CTNNA3: variants seen among roughly 807,000 people sequenced by gnomAD.
The protein encoded by CTNNA3 is catenin alpha-3.
CTNNA3 carries 76 observed loss-of-function variants against 95.7 expected under a neutral mutation model. That is an observed-to-expected ratio of 0.79 (90% CI 0.66 to 0.96). CTNNA3 has a LOEUF of 0.96. Ranked by LOEUF, CTNNA3 falls within the 40% of genes least tolerant of loss-of-function variation. The pLI is 0.00. For synonymous variants in CTNNA3, 431 were observed against 374.4 expected (o/e 1.15, Z -1.74); for missense variants, 1,191 against 1,089.8 (o/e 1.09, Z -1.31).
intron 10 of CTNNA3, among the ~76,000 whole-genome samples, chr10:66,581,289 A>G (rs558377907): frequency 5.3e-5 from 8 of 151,928 alleles, no homozygotes; most frequent in African/African-American, 1.9e-4. Context: ...ATCAAATGGT[A>G]GATCTACTTT....
chr10:66,699,996 T>G (rs191049465), intron 9 of CTNNA3, among the ~76,000 whole-genome samples: 51 of 152,218 alleles, frequency 3.4e-4, no homozygotes, highest in Admixed American at 8.5e-4. Context: ...ACTTGGTTTT[T>G]TTTTGTTTTG....
rs533829867 is a variant in CTNNA3 at position 67,559,414 on chromosome 10, C to T, written c.293-19745G>A. Among the ~76,000 whole-genome samples, 504 of 152,296 alleles carry T rather than the reference C, an allele frequency of 3.3e-3. 3 individuals carry two copies. Among genetic ancestry groups the T allele is most frequent in the Non-Finnish European group, 4.7e-3 (323 of 68,020 alleles). ...TGGACCTCTAGAAAACTCCAACAGACCTGCAGCTGAGGGTCCTGTCTGTTA... is the reference window on the plus strand; with the variant it reads ...TGGACCTCTAGAAAACTCCAACAGATCTGCAGCTGAGGGTCCTGTCTGTTA... On this transcript the variant is annotated intron_variant, in intron 3 of 17. Transcript: ENST00000433211.
intron 5 of CTNNA3, among the ~76,000 whole-genome samples, chr10:67,381,195 A>G (rs996091266): frequency 1.8e-4 from 28 of 152,226 alleles, no homozygotes; most frequent in African/African-American, 6.5e-4. Flanking sequence ...TGAAAAGTCA[A>G]GGGGAAACAT....
At chr10:66,123,149 G>T (rs2082658281) in intron 13 of CTNNA3, among the ~76,000 whole-genome samples, 2 of 152,142 alleles carry the variant, frequency 1.3e-5, no homozygotes, top group African/African-American at 4.8e-5. Flanking sequence ...TTCTGCTTAT[G>T]ATCCTGTAAA....
chr10:67,066,688 C>T (rs1399104392), intron 7 of CTNNA3, among the ~76,000 whole-genome samples: 4 of 152,100 alleles, frequency 2.6e-5, no homozygotes, highest in Non-Finnish European at 5.9e-5. Context: ...AATTGTTAAA[C>T]AAATATTATC....
intron 7 of CTNNA3, among the ~76,000 whole-genome samples, chr10:66,873,129 C>T (rs569556099): frequency 1.3e-5 from 2 of 152,250 alleles, no homozygotes; most frequent in South Asian, 2.1e-4. Flanking sequence ...CATGTTTTTG[C>T]TATTGTGAAT....
At chr10:66,474,613 G>A (rs537834273) in intron 11 of CTNNA3, among the ~76,000 whole-genome samples, 12 of 152,036 alleles carry the variant, frequency 7.9e-5, no homozygotes, top group Non-Finnish European at 1.5e-4. Flanking sequence ...TTTTTTGAGA[G>A]ACTTACATTC....
Position 66,642,257 on chromosome 10 carries a change from CACACACACACACACACACACAA to C in CTNNA3, c.1282-20495_1282-20474del, listed in dbSNP as rs1428975926. On this transcript the variant is annotated intron_variant, in intron 9 of 17. Transcript: ENST00000433211. ...AAAATGTTGATATTTCTTTAAAATA[CACACACACACACACACACACAA>C]ACACACACACACACACACACACACA... 7.3e-3 allele frequency among the ~76,000 whole-genome samples: 479 copies of C among 65,744 alleles called. 2 individuals carry two copies. The East Asian group carries it at 0.099, about 14-fold the overall frequency. The allele number at this position is 65,744 out of a possible 152,430, so 43.1% of individuals were successfully genotyped here.
chr10:67,559,917 C>A (rs561520746), intron 3 of CTNNA3, among the ~76,000 whole-genome samples: 2 of 151,728 alleles, frequency 1.3e-5, no homozygotes, highest in African/African-American at 4.8e-5. Flanking sequence ...TGAAATGAAG[C>A]GAGAAGGGAA....
At position 67,743,648 on chromosome 10, in the gene CTNNA3, C is replaced by A. The variant is rs914014722; in HGVS notation, c.-2+19786G>T. On this transcript the variant is annotated intron_variant, in intron 1 of 17. Coordinates refer to the CTNNA3 transcript ENST00000684154. ...TTCAACATAGTGTTGAAAGTTCAGG[C>A]CAGGGCAATCAGGCAGGAGAAAGAA... Among the ~76,000 whole-genome samples, 7 of 151,182 alleles carry A rather than the reference C, an allele frequency of 4.6e-5. 1 individual carries two copies. The highest frequency in any genetic ancestry group is 4.0e-4 in the Admixed American group (6 of 15,106).
In CTNNA3 at chr10:66,605,578, A is replaced by T. The variant is rs2132270237; in HGVS notation, c.1374+16114T>A. ...AGAGAGAAAGGCCAGGTAACCTACA[A>T]AGGGAAGCCCATCAGACTAACAGTG... On this transcript the variant is annotated intron_variant, in intron 10 of 17. Coordinates refer to ENST00000433211, the MANE Select transcript of CTNNA3 (RefSeq NM_013266.4). Among the ~76,000 whole-genome samples the T allele has an allele frequency of 1.3e-5, 2 of 152,302 alleles. 1 individual carries two copies. The highest frequency in any genetic ancestry group is 3.9e-4 in the East Asian group (2 of 5,176).
chr10:67,545,080 T>C (rs1840804045), intron 3 of CTNNA3, among the ~76,000 whole-genome samples: 2 of 150,506 alleles, frequency 1.3e-5, no homozygotes, highest in South Asian at 2.1e-4. Flanking sequence ...TGTGTTTTTT[T>C]ATTATTATAC....
intron 7 of CTNNA3, among the ~76,000 whole-genome samples, chr10:66,957,399 T>C (rs1367657272): frequency 3.4e-5 from 2 of 58,410 alleles, no homozygotes; most frequent in Non-Finnish European, 6.6e-5. Flanking sequence ...TATACATATA[T>C]ATATATATAT....
intron 5 of CTNNA3, among the ~76,000 whole-genome samples, chr10:67,270,803 G>A (rs376598124): frequency 1.1e-4 from 17 of 152,146 alleles, no homozygotes; most frequent in East Asian, 9.7e-4. Flanking sequence ...TATATGTGAC[G>A]CTAATTCGTA....
intron 6 of CTNNA3, among the ~76,000 whole-genome samples, chr10:67,210,431 AAAG>A (rs769181810): frequency 2.0e-5 from 3 of 152,338 alleles, no homozygotes; most frequent in Non-Finnish European, 4.4e-5. Context: ...AAACTAAAAA[AAAG>A]AAGACACATG....
intron 13 of CTNNA3, among the ~76,000 whole-genome samples, chr10:66,168,738 T>C (rs867781787): frequency 3.2e-4 from 48 of 152,190 alleles, no homozygotes; most frequent in Middle Eastern, 3.2e-3. Context: ...TCTCCAGTCT[T>C]TGTAGATTTG....
intron 11 of CTNNA3, among the ~76,000 whole-genome samples, chr10:66,484,190 C>G (rs1032507767): frequency 6.8e-6 from 1 of 147,080 alleles, no homozygotes; most frequent in African/African-American, 2.7e-5. Flanking sequence ...ATTTTGTGTT[C>G]TTATACTTGG....
intron 12 of CTNNA3, among the ~76,000 whole-genome samples, chr10:66,352,249 G>C (rs1459147904): frequency 6.6e-6 from 1 of 152,054 alleles, no homozygotes; most frequent in African/African-American, 2.4e-5. Context: ...GCTCTTTGGG[G>C]CTACCCTCCC....
chr10:67,285,674 T>C (rs557628959), intron 5 of CTNNA3, among the ~76,000 whole-genome samples: 75 of 152,344 alleles, frequency 4.9e-4, no homozygotes, highest in African/African-American at 1.5e-3. Context: ...CCATTCTATA[T>C]AAAATAGAAA....
Sources: gnomAD v4.1 joint callset for allele counts (sites outside exome capture counted in the v4.1 genomes callset) on GRCh38, gnomAD v4.1.1 for gene constraint, MANE v1.5 for transcripts, NCBI Gene and HGNC (gene_info 2026-07-23, HGNC 2026-07-21) for gene names.